Variants in ERN1 observed in about 807,000 individuals in gnomAD.
ERN1 encodes endoplasmic reticulum to nucleus signaling 1.
Under a neutral mutation model 113.1 loss-of-function variants are expected in ERN1, and 39 were observed. That is an observed-to-expected ratio of 0.34 (90% CI 0.27 to 0.45). ERN1 has a LOEUF of 0.45. Ranked by LOEUF, ERN1 falls within the 20% of genes least tolerant of loss-of-function variation. The probability of loss-of-function intolerance (pLI) is 1.00; values close to 1 mark genes in which losing one functional copy is unlikely to be tolerated. For missense variants in ERN1, 976 were observed against 1,274.8 expected (o/e 0.77, Z 3.57); for synonymous variants, 507 against 515.9 (o/e 0.98, Z 0.23).
intron 5 of ERN1, 24 bp downstream of exon 5, chr17:64,075,151 G>A (rs1188243888): frequency 3.3e-6 from 5 of 1,526,542 alleles, no homozygotes; most frequent in Non-Finnish European, 4.4e-6. Context: ...AGAGACACAA[G>A]TTTCTGGAGA....
Position 64,067,408 on chromosome 17 carries a change from A to G in ERN1, c.581-476T>C, listed in dbSNP as rs1913263442. On this transcript the variant is annotated intron_variant, in intron 7 of 21. Coordinates refer to ENST00000433197, the MANE Select transcript of ERN1 (RefSeq NM_001433.5). The stretch of plus-strand genomic sequence containing the variant: ...ACTTCAAGACCAGCCTGGGCAACAT[A>G]GTGAGACCCCCGTCTCTACAAAAAA... Among the ~76,000 whole-genome samples the G allele has an allele frequency of 2.9e-5, 4 of 137,898 alleles. No homozygotes were observed. The South Asian group carries it at 9.6e-4, about 33-fold the overall frequency. The allele number at this position is 137,898 out of a possible 152,430, so 90.5% of individuals were successfully genotyped here.
In ERN1 at chr17:64,130,002, G is replaced by A. The variant is rs772491378; in HGVS notation, c.28C>T (p.Leu10=). Residue 10 remains leucine, a synonymous_variant, in exon 1 of 22, where the codon CTG becomes TTG. Coordinates refer to ENST00000433197, the MANE Select transcript of ERN1 (RefSeq NM_001433.5). This position sits in a 1 kb window ranked among gnomAD's most constrained non-coding sequence, Gnocchi z 4.0. ...CCGAGGCCGGGCAGCAGCAGCGTCAGCAGCAGCAGCAGCCGCCGGGCCGGC... is the reference window on the plus strand; with the variant it reads ...CCGAGGCCGGGCAGCAGCAGCGTCAACAGCAGCAGCAGCCGCCGGGCCGGC... MPARRLLLL[L]TLLLPGLGIF... The A allele has an allele frequency of 2.1e-5, 29 of 1,403,122 alleles. No homozygotes were observed. Among genetic ancestry groups the A allele is most frequent in the Non-Finnish European group, 2.5e-5 (27 of 1,079,066 alleles). 86.9% of individuals were successfully genotyped at this position (1,403,122 alleles called of 1,614,324 possible).
chr17:64,121,729 C>T (rs1400359661), intron 1 of ERN1, among the ~76,000 whole-genome samples: 5 of 152,130 alleles, frequency 3.3e-5, no homozygotes, highest in Non-Finnish European at 5.9e-5. Context: ...CCTTATGATC[C>T]GCCCGCCTCA....
chr17:64,115,271 C>T (rs1487285613), intron 1 of ERN1, among the ~76,000 whole-genome samples: 1 of 152,186 alleles, frequency 6.6e-6, no homozygotes. Flanking sequence ...ATACTTCTTC[C>T]TGTTGGCTGA....
intron 17 of ERN1, among the ~76,000 whole-genome samples, chr17:64,051,625 C>T (rs752719736): frequency 1.3e-5 from 2 of 152,196 alleles, no homozygotes; most frequent in Non-Finnish European, 2.9e-5. Flanking sequence ...CATCCTATAA[C>T]CCACTGCCTG....
intron 1 of ERN1, among the ~76,000 whole-genome samples, chr17:64,117,188 AC>A (rs1662092278): frequency 6.6e-6 from 1 of 152,108 alleles, no homozygotes; most frequent in African/African-American, 2.4e-5. Flanking sequence ...CATGCCTGTA[AC>A]CCCAGCACTT....
intron 1 of ERN1, among the ~76,000 whole-genome samples, chr17:64,125,220 T>C (rs1306658975): frequency 6.6e-6 from 1 of 152,220 alleles, no homozygotes; most frequent in East Asian, 1.9e-4. Context: ...TATTTTTTAA[T>C]TTAGGCTTAT....
intron 2 of ERN1, among the ~76,000 whole-genome samples, chr17:64,090,304 T>C (rs193137502): frequency 6.6e-6 from 1 of 152,296 alleles, no homozygotes; most frequent in Admixed American, 6.5e-5. Context: ...GCAAAGACGA[T>C]CACATAGAAA....
chr17:64,042,195 C>T lies in ERN1; in HGVS notation c.*1793G>A, dbSNP rs196904. On this transcript the variant is annotated 3_prime_UTR_variant, in exon 22 of 22. Transcript: ENST00000433197. Reference sequence around the variant, plus strand: ...TGCGGCATGGGAGCAGCAGGAAATGCGGTCTGGCCACGTTTCTGAACAACG... The same window carrying T: ...TGCGGCATGGGAGCAGCAGGAAATGTGGTCTGGCCACGTTTCTGAACAACG... The T allele has an allele frequency of 0.7, 106,286 of 152,242 alleles. 39,904 individuals carry two copies. The highest frequency in any genetic ancestry group is 0.84 in the Non-Finnish European group (57,231 of 68,070). The allele number at this position is 152,242 out of a possible 1,614,324, so 9.4% of individuals were successfully genotyped here. A position where few individuals can be genotyped will look rare whatever the true frequency, so the allele number is the denominator to read the frequency against.
intron 1 of ERN1, chr17:64,128,682 A>C (rs1476480152): frequency 1.3e-5 from 2 of 152,208 alleles, no homozygotes; most frequent in Non-Finnish European, 2.9e-5. Flanking sequence ...GAGGTGCTCA[A>C]GTTCAAAACC....
Position 64,044,136 on chromosome 17 carries a change from A to G in ERN1, c.2786T>C (p.Phe929Ser). Residue 929 changes from phenylalanine to serine, a missense_variant, in exon 22 of 22, where the codon TTC becomes TCC. This residue lies in a region of ERN1 where 92 missense variants were observed against 87.3 expected (regional missense o/e 1.05). Transcript: ENST00000433197. The surrounding 1 kb of genome is among the most constrained non-coding windows in gnomAD (Gnocchi z 4.1). ...GAAGCGAGATGTGAAGTAGCACACG[A>G]AGTCGTCGGGGAGGGACCCCAGCGT... Reference protein sequence around the residue: ...RETLGSLPDDFVCYFTSRFPH... With the variant: ...RETLGSLPDDSVCYFTSRFPH... The G allele has an allele frequency of 6.2e-7, 1 of 1,607,664 alleles. No homozygotes were observed. The highest frequency in any genetic ancestry group is 8.5e-7 in the Non-Finnish European group (1 of 1,176,272).
Position 64,071,995 on chromosome 17 carries a change from TA to T in ERN1, c.463del (p.Tyr155IlefsTer53). 1 of 1,573,754 alleles carries T rather than the reference TA, an allele frequency of 6.4e-7. No individual in the cohort carries two copies. Among genetic ancestry groups the T allele is most frequent in the Non-Finnish European group, 8.6e-7 (1 of 1,158,646 alleles). On this transcript the variant is annotated frameshift_variant, in exon 6 of 22. Coordinates refer to ENST00000433197, the MANE Select transcript of ERN1 (RefSeq NM_001433.5). LOFTEE classifies it high-confidence loss of function. ...DSLCPSTSLL[Y>X]LGRTEYTITM... The stretch of plus-strand genomic sequence containing the variant: ...TCATTTCTTACCTGTTCGCCCAAGA[TA>T]CAGAAGAGAGGTTGATGGGCAGAGA...
intron 5 of ERN1, 26 bp from the exon 6 acceptor site, chr17:64,072,129 C>T (rs781317063): frequency 3.8e-5 from 61 of 1,610,962 alleles, no homozygotes; most frequent in East Asian, 8.9e-5. Flanking sequence ...AACACATCGT[C>T]GTTTACACCA....
intron 1 of ERN1, among the ~76,000 whole-genome samples, chr17:64,111,782 T>G (rs1237660401): frequency 6.6e-6 from 1 of 152,114 alleles, no homozygotes; most frequent in Non-Finnish European, 1.5e-5. Flanking sequence ...AATAGCAACA[T>G]CTCTCTAAAC....
chr17:64,058,095 G>C (rs1359486477), intron 11 of ERN1, 102 bp from the exon 12 acceptor site: 2 of 872,826 alleles, frequency 2.3e-6, no homozygotes, highest in Non-Finnish European at 3.4e-6. Context: ...GGATATGACT[G>C]TACTGCAGGG....
chr17:64,119,030 G>T (rs947031146), intron 1 of ERN1, among the ~76,000 whole-genome samples: 5 of 152,026 alleles, frequency 3.3e-5, no homozygotes, highest in Non-Finnish European at 7.4e-5. Flanking sequence ...GTTATGGAAG[G>T]TTCTTTTAAA....
At chr17:64,108,753 T>G (rs1422363196) in intron 1 of ERN1, among the ~76,000 whole-genome samples, 1 of 152,212 alleles carries the variant, frequency 6.6e-6, no homozygotes, top group Non-Finnish European at 1.5e-5. Flanking sequence ...TAAATTTGTA[T>G]GTGCACCATT....
intron 1 of ERN1, among the ~76,000 whole-genome samples, chr17:64,114,934 C>T (rs542650313): frequency 6.6e-6 from 1 of 152,178 alleles, no homozygotes; most frequent in South Asian, 2.1e-4. Flanking sequence ...TCAGAACAAA[C>T]CCCAAGGCAG....
At chr17:64,073,539 T>C (rs1383413706) in intron 5 of ERN1, among the ~76,000 whole-genome samples, 1 of 151,810 alleles carries the variant, frequency 6.6e-6, no homozygotes, top group Non-Finnish European at 1.5e-5. Flanking sequence ...TCGCCCAGGC[T>C]GGAGTGCAGT....
Sources: allele counts gnomAD v4.1 joint callset (sites outside exome capture counted in the v4.1 genomes callset), GRCh38; gene constraint gnomAD v4.1.1; regional missense constraint gnomAD v4.1.1; non-coding constraint Gnocchi (gnomAD v3.1); transcripts MANE v1.5; gene names NCBI Gene and HGNC (gene_info 2026-07-23, HGNC 2026-07-21).